The following FRMD4B variants were observed in gnomAD, a reference collection of about 807,000 sequenced individuals.
The protein encoded by FRMD4B is FERM domain containing 4B, also known as FERM domain-containing protein 4B.
FRMD4B carries 74 observed loss-of-function variants against 141.5 expected under a neutral mutation model. The observed-to-expected ratio is 0.52, with a 90% CI of 0.43 to 0.63. The LOEUF (loss-of-function observed/expected upper bound fraction) is 0.63, where lower values mean the gene tolerates loss of function less well. Ranked by LOEUF, FRMD4B falls within the 30% of genes least tolerant of loss-of-function variation. The probability of loss-of-function intolerance (pLI) is 0.00; values close to 1 mark genes in which losing one functional copy is unlikely to be tolerated. For missense variants in FRMD4B, 1,366 were observed against 1,253.4 expected (o/e 1.09, Z -1.36); for synonymous variants, 506 against 467.9 (o/e 1.08, Z -1.05).
chr3:69,171,466 T>C lies in FRMD4B; in HGVS notation c.*395A>G, dbSNP rs115600417. 603 of 164,748 alleles carry C rather than the reference T, an allele frequency of 3.7e-3. 6 individuals are homozygous for C. Among genetic ancestry groups the C allele is most frequent in the African/African-American group, 0.014 (591 of 41,730 alleles). 10.2% of individuals were successfully genotyped at this position (164,748 alleles called of 1,614,324 possible). A position where few individuals can be genotyped will look rare whatever the true frequency, so the allele number is the denominator to read the frequency against. ...GTTCCCCTTCTCTCATCCTGCTGAA[T>C]TGTGCTCTGAGATTTCCCCTGTTCT... On this transcript the variant is annotated 3_prime_UTR_variant, in exon 23 of 23. Coordinates refer to ENST00000398540, the MANE Select transcript of FRMD4B (RefSeq NM_015123.3).
At chr3:69,196,533 G>C in intron 13 of FRMD4B, 137 bp from the exon 14 acceptor site, 1 of 440,482 alleles carries the variant, frequency 2.3e-6, no homozygotes, top group South Asian at 3.3e-5. Flanking sequence ...GCATTCTTCA[G>C]ACCAAAAAAC....
At chr3:69,419,355 C>A (rs2106802720) in intron 2 of FRMD4B, among the ~76,000 whole-genome samples, 1 of 152,312 alleles carries the variant, frequency 6.6e-6, no homozygotes, top group Admixed American at 6.5e-5. Context: ...GCTCTCAGCT[C>A]CCTTTCCTCA....
intron 1 of FRMD4B, among the ~76,000 whole-genome samples, chr3:69,473,913 G>C (rs1397918609): frequency 6.6e-6 from 1 of 152,092 alleles, no homozygotes; most frequent in African/African-American, 2.4e-5. Flanking sequence ...TCTTTCAAGG[G>C]TTTGCGCTTA....
chr3:69,188,999 A>C (rs2092804230), intron 18 of FRMD4B, among the ~76,000 whole-genome samples: 1 of 152,048 alleles, frequency 6.6e-6, no homozygotes, highest in African/African-American at 2.4e-5. Context: ...AGGCAGGCAG[A>C]TCACCTTAGG....
chr3:69,410,724 TAA>T (rs1491533728), intron 2 of FRMD4B, among the ~76,000 whole-genome samples: 173 of 42,612 alleles, frequency 4.1e-3, no homozygotes, highest in South Asian at 0.014. Flanking sequence ...AATAAATAAA[TAA>T]ATATATATAT....
At chr3:69,359,629 G>A (rs1045525444) in intron 1 of FRMD4B, among the ~76,000 whole-genome samples, 3 of 152,030 alleles carry the variant, frequency 2.0e-5, no homozygotes, top group Non-Finnish European at 4.4e-5. Context: ...TTTTGTGCTC[G>A]GCGAATTTTC....
chr3:69,357,838 G>A (rs1341958217), intron 1 of FRMD4B, among the ~76,000 whole-genome samples: 1 of 152,172 alleles, frequency 6.6e-6, no homozygotes, highest in Admixed American at 6.5e-5. Flanking sequence ...TAAATTTAGT[G>A]AGGTTTGCAC....
intron 1 of FRMD4B, among the ~76,000 whole-genome samples, chr3:69,439,337 C>G (rs1448833761): frequency 6.6e-6 from 1 of 152,074 alleles, no homozygotes; most frequent in Non-Finnish European, 1.5e-5. Flanking sequence ...TGTACAGAGG[C>G]CTCCCTGTTT....
intron 2 of FRMD4B, among the ~76,000 whole-genome samples, chr3:69,419,753 A>T (rs2106803940): frequency 6.6e-6 from 1 of 152,320 alleles, no homozygotes; most frequent in East Asian, 1.9e-4. Flanking sequence ...AAAGTCAAGA[A>T]CCAAATAACC....
At chr3:69,314,005 A>G (rs1205621055) in intron 1 of FRMD4B, among the ~76,000 whole-genome samples, 8 of 146,986 alleles carry the variant, frequency 5.4e-5, no homozygotes, top group East Asian at 2.0e-4. Context: ...CGGGCGTGGT[A>G]GCGGGCGCCT....
chr3:69,483,566 T>A (rs986312414), intron 1 of FRMD4B, among the ~76,000 whole-genome samples: 2 of 152,140 alleles, frequency 1.3e-5, no homozygotes, highest in Admixed American at 1.3e-4. Context: ...GATGAAACAC[T>A]GGAAAATATG....
At chr3:69,415,804 C>G (rs1704848358) in intron 2 of FRMD4B, among the ~76,000 whole-genome samples, 1 of 152,124 alleles carries the variant, frequency 6.6e-6, no homozygotes, top group South Asian at 2.1e-4. Flanking sequence ...TGCTTTTGGT[C>G]TCTATTGTTT....
At chr3:69,229,341 C>A (rs1242459417) in intron 7 of FRMD4B, among the ~76,000 whole-genome samples, 1 of 152,066 alleles carries the variant, frequency 6.6e-6, no homozygotes, top group Admixed American at 6.6e-5. Flanking sequence ...AAATTACATT[C>A]TCAGGGAAGA....
chr3:69,353,805 G>T, intron 1 of FRMD4B: 1 of 571,778 alleles, frequency 1.7e-6, no homozygotes, highest in Non-Finnish European at 2.2e-6. Flanking sequence ...TTCAATATGA[G>T]TCACGGGAGA....
chr3:69,289,268 T>A (rs1700797745), intron 4 of FRMD4B, among the ~76,000 whole-genome samples: 1 of 152,230 alleles, frequency 6.6e-6, no homozygotes, highest in South Asian at 2.1e-4. Context: ...TTAAATTGAA[T>A]GTCGTGACTG....
intron 1 of FRMD4B, among the ~76,000 whole-genome samples, chr3:69,528,577 GC>G (rs1323501400): frequency 1.3e-5 from 2 of 151,944 alleles, no homozygotes; most frequent in Non-Finnish European, 2.9e-5. Flanking sequence ...TGTTGCCCAG[GC>G]TGCTCTCAAA....
intron 1 of FRMD4B, among the ~76,000 whole-genome samples, chr3:69,515,135 C>T (rs193239215): frequency 2.0e-5 from 3 of 152,070 alleles, no homozygotes; most frequent in Non-Finnish European, 4.4e-5. Flanking sequence ...ATGGCAGGAA[C>T]AGGAGCAAGA....
chr3:69,313,194 G>C (rs10865648), intron 2 of FRMD4B, among the ~76,000 whole-genome samples: 55,969 of 152,138 alleles, frequency 0.37, 10,938 homozygotes, highest in East Asian at 0.59. Flanking sequence ...GTGTCAAGCT[G>C]AGACTGGAAC....
At chr3:69,535,855 G>A in intron 1 of FRMD4B, 1 of 458,278 alleles carries the variant, frequency 2.2e-6, no homozygotes, top group East Asian at 6.9e-5. Flanking sequence ...CTTGGTCTTG[G>A]CTACCACCTT....
Sources: allele counts gnomAD v4.1 joint callset (sites outside exome capture counted in the v4.1 genomes callset), GRCh38; gene constraint gnomAD v4.1.1; transcripts MANE v1.5; gene names NCBI Gene and HGNC (gene_info 2026-07-23, HGNC 2026-07-21).